The following GRIN2D variants were observed in gnomAD, a reference collection of about 807,000 sequenced individuals.
The protein encoded by GRIN2D is glutamate ionotropic receptor NMDA type subunit 2D, also known as glutamate receptor ionotropic, NMDA 2D.
GRIN2D carries 37 observed loss-of-function variants against 103.2 expected under a neutral mutation model. The observed-to-expected ratio is 0.36, with a 90% CI of 0.28 to 0.47. The LOEUF (loss-of-function observed/expected upper bound fraction) is 0.47. Among genes scored for constraint, GRIN2D ranks in the 20% least tolerant of loss-of-function variants. GRIN2D has a pLI of 1.00. For missense variants in GRIN2D, 1,557 were observed against 1,910.6 expected (o/e 0.81, Z 3.45); for synonymous variants, 845 against 885.6 (o/e 0.95, Z 0.81).
intron 11 of GRIN2D, among the ~76,000 whole-genome samples, chr19:48,428,550 A>G (rs1971117482): frequency 6.6e-6 from 1 of 151,600 alleles, no homozygotes; most frequent in African/African-American, 2.4e-5. Context: ...TTTAGTAGAG[A>G]CGGAGTTTCA....
Position 48,405,366 on chromosome 19 carries a change from G to A in GRIN2D, c.1085+13G>A, listed in dbSNP as rs956727278. On this transcript the variant is annotated intron_variant, in intron 4 of 13. Coordinates refer to ENST00000263269, the MANE Select transcript of GRIN2D (RefSeq NM_000836.4). The surrounding 1 kb of genome is among the most constrained non-coding windows in gnomAD (Gnocchi z 5.1). ...AGAGTCTGCATAGGTGAGTGGGGCT[G>A]GAATGGGAGGGGTGTGGGAGGGCTC... 8.5e-6 allele frequency: 13 copies of A among 1,537,194 alleles called. No individual in the cohort carries two copies. The highest frequency in any genetic ancestry group is 1.1e-5 in the Non-Finnish European group (13 of 1,145,380).
intron 11 of GRIN2D, among the ~76,000 whole-genome samples, chr19:48,437,504 G>A (rs888211649): frequency 6.6e-6 from 1 of 152,190 alleles, no homozygotes; most frequent in Non-Finnish European, 1.5e-5. Flanking sequence ...CAGAAAAACT[G>A]AGCAAACCAT....
rs1971320895 is a variant in GRIN2D at position 48,443,004 on chromosome 19, C to T, written c.3078C>T (p.Gly1026=). The T allele has an allele frequency of 5.5e-6, 6 of 1,086,674 alleles. No individual in the cohort carries two copies. Among genetic ancestry groups the T allele is most frequent in the Non-Finnish European group, 6.7e-6 (6 of 894,530 alleles). The allele number at this position is 1,086,674 out of a possible 1,614,324, so 67.3% of individuals were successfully genotyped here. A position where few individuals can be genotyped will look rare whatever the true frequency, so the allele number is the denominator to read the frequency against. Residue 1026 remains glycine, a synonymous_variant, in exon 14 of 14, where the codon GGC becomes GGT. Coordinates refer to ENST00000263269, the MANE Select transcript of GRIN2D (RefSeq NM_000836.4). The surrounding 1 kb of genome is among the most constrained non-coding windows in gnomAD (Gnocchi z 8.9). ...AGCCCCCCGCCGGCGCCTTCCCCGG[C>T]TTCCCGTCGCCGCCCGCGCCCCCCG... is the stretch of plus-strand genomic sequence containing the variant. ...PAEPPAGAFP[G]FPSPPAPPAA... is the part of the protein sequence containing the mutation.
rs1232231035 is a variant in GRIN2D, at chr19:48,443,094, G to A, written c.3168G>A (p.Pro1056=). Residue 1056 remains proline (P), a synonymous_variant, in exon 14 of 14, where the codon CCG becomes CCA. Coordinates refer to ENST00000263269, the MANE Select transcript of GRIN2D (RefSeq NM_000836.4). The surrounding 1 kb of genome is among the most constrained non-coding windows in gnomAD (Gnocchi z 8.9). ...TGGCCTTCGAGGACGAGAGCCCGCC[G>A]GCGCCCGCGCGGTGGCCGCGCTCGG... ...CRLAFEDESP[P]APARWPRSDP... 83 of 1,025,486 alleles carry A rather than the reference G, an allele frequency of 8.1e-5. No homozygotes were observed. The highest frequency in any genetic ancestry group is 4.7e-4 in the Middle Eastern group (1 of 2,124). The allele number at this position is 1,025,486 out of a possible 1,614,324, so 63.5% of individuals were successfully genotyped here.
chr19:48,422,031 C>T, intron 11 of GRIN2D, 86 bp downstream of exon 11: 2 of 1,376,794 alleles, frequency 1.5e-6, no homozygotes, highest in Non-Finnish European at 2.0e-6. Flanking sequence ...CAGGTTCATT[C>T]ATTCAGTCCC....
At position 48,422,499 on chromosome 19, in the gene GRIN2D, T is replaced by C. The variant is rs1971036940; in HGVS notation, c.2252+554T>C. Among the ~76,000 whole-genome samples, 3 of 151,668 alleles carry C rather than the reference T, an allele frequency of 2.0e-5. No homozygotes were observed. In the South Asian group the frequency reaches 6.2e-4, roughly 31 times the overall value. ...GGTGGCACGCGCCTGTAGTCCCAGA[T>C]ACTTGGGAGGCTGAGGCAGGAGAAT... On this transcript the variant is annotated intron_variant, in intron 11 of 13. Coordinates refer to ENST00000263269, the MANE Select transcript of GRIN2D (RefSeq NM_000836.4).
At chr19:48,404,309 G>A (rs1343539959) in intron 3 of GRIN2D, among the ~76,000 whole-genome samples, 2 of 151,440 alleles carry the variant, frequency 1.3e-5, no homozygotes, top group Non-Finnish European at 2.9e-5. Flanking sequence ...ATGGTGACTC[G>A]GGGTTTCAGG....
intron 11 of GRIN2D, among the ~76,000 whole-genome samples, chr19:48,422,817 C>A (rs1004382056): frequency 1.3e-5 from 2 of 152,114 alleles, no homozygotes; most frequent in Admixed American, 6.5e-5. Flanking sequence ...AGAGGCCAGG[C>A]GCAGTAGCTC....
Position 48,414,815 on chromosome 19 carries a change from G to A in GRIN2D, c.1413-49G>A. 6.3e-7 allele frequency: 1 copy of A among 1,594,888 alleles called. No homozygotes were observed. Among genetic ancestry groups the A allele is most frequent in the Non-Finnish European group, 8.6e-7 (1 of 1,166,744 alleles). ...CTCCATATCCTCTCTTCATGAGAGAGTCTAAGGAGGGGGTCCCCAAACTCC... is the reference window on the plus strand; with the variant it reads ...CTCCATATCCTCTCTTCATGAGAGAATCTAAGGAGGGGGTCCCCAAACTCC... On this transcript the variant is annotated intron_variant, in intron 6 of 13. Coordinates refer to ENST00000263269, the MANE Select transcript of GRIN2D (RefSeq NM_000836.4). The surrounding 1 kb of genome is among the most constrained non-coding windows in gnomAD (Gnocchi z 4.6).
chr19:48,398,716 G>A lies in GRIN2D; in HGVS notation c.324G>A (p.Ser108=). 6.8e-7 allele frequency: 1 copy of A among 1,467,786 alleles called. No individual in the cohort carries two copies. The highest frequency in any genetic ancestry group is 9.0e-7 in the Non-Finnish European group (1 of 1,115,772). The allele number at this position is 1,467,786 out of a possible 1,614,324, so 90.9% of individuals were successfully genotyped here. A position where few individuals can be genotyped will look rare whatever the true frequency, so the allele number is the denominator to read the frequency against. ...TGCTGCAGCTCTGCGACCTGCTGTCGGGGTTGCGCGTGCACGGCGTGGTCT... is the reference window on the plus strand; with the variant it reads ...TGCTGCAGCTCTGCGACCTGCTGTCAGGGTTGCGCGTGCACGGCGTGGTCT... ...SLVLQLCDLL[S]GLRVHGVVFE... Residue 108 remains serine (S), a synonymous_variant, in exon 3 of 14, where the codon TCG becomes TCA. Transcript: ENST00000263269.
intron 11 of GRIN2D, among the ~76,000 whole-genome samples, chr19:48,423,149 T>C (rs921111752): frequency 1.3e-5 from 2 of 152,022 alleles, no homozygotes; most frequent in African/African-American, 4.8e-5. Flanking sequence ...AGGCGGAGGT[T>C]GCAGTGAGCC....
chr19:48,419,118 A>T, intron 8 of GRIN2D, 116 bp from the exon 9 acceptor site: 1 of 808,926 alleles, frequency 1.2e-6, no homozygotes, highest in Non-Finnish European at 1.9e-6. Context: ...GCGTCAAGTG[A>T]TCCTCCTGCC....
At chr19:48,430,344 G>A (rs879675785) in intron 11 of GRIN2D, among the ~76,000 whole-genome samples, 3 of 152,144 alleles carry the variant, frequency 2.0e-5, no homozygotes, top group Non-Finnish European at 2.9e-5. Flanking sequence ...GACTACAGGC[G>A]TGCGCCACTG....
chr19:48,433,446 T>A (rs1458220380), intron 11 of GRIN2D, among the ~76,000 whole-genome samples: 1 of 152,200 alleles, frequency 6.6e-6, no homozygotes. Context: ...GTGGTTGCCA[T>A]AGAGGACAGC....
rs1297366237 is a variant in GRIN2D, at chr19:48,443,088, C to A, written c.3162C>A (p.Ser1054Arg). Residue 1054 changes from serine (S) to arginine (R), a missense_variant, in exon 14 of 14, where the codon AGC becomes AGA. Around this residue, in one of 7 missense-constraint regions of GRIN2D, gnomAD observed 632 missense variants for 572.8 expected, o/e 1.10. Coordinates refer to ENST00000263269, the MANE Select transcript of GRIN2D (RefSeq NM_000836.4). The surrounding 1 kb of genome is among the most constrained non-coding windows in gnomAD (Gnocchi z 8.9). Reference protein sequence around the residue: ...PLCRLAFEDESPPAPARWPRS... With the variant: ...PLCRLAFEDERPPAPARWPRS... Reference sequence around the variant, plus strand: ...GCCGCTTGGCCTTCGAGGACGAGAGCCCGCCGGCGCCCGCGCGGTGGCCGC... The same window carrying A: ...GCCGCTTGGCCTTCGAGGACGAGAGACCGCCGGCGCCCGCGCGGTGGCCGC... 9.7e-7 allele frequency: 1 copy of A among 1,026,570 alleles called. No individual in the cohort carries two copies. The highest frequency in any genetic ancestry group is 1.2e-6 in the Non-Finnish European group (1 of 854,436). The allele number at this position is 1,026,570 out of a possible 1,614,324, so 63.6% of individuals were successfully genotyped here.
chr19:48,412,414 GAGAAAGA>G lies in GRIN2D; in HGVS notation c.1086-1575_1086-1569del, dbSNP rs1372808677. On this transcript the variant is annotated intron_variant, in intron 4 of 13. Coordinates refer to ENST00000263269, the MANE Select transcript of GRIN2D (RefSeq NM_000836.4). The stretch of plus-strand genomic sequence containing the variant: ...AAGAGAAAGAAAAGAAAGAAAGAAA[GAGAAAGA>G]AAAGAAAGAAAGAAAGAAAGAAAGA... Among the ~76,000 whole-genome samples, 18 of 115,910 alleles carry G rather than the reference GAGAAAGA, an allele frequency of 1.6e-4. 1 individual carries two copies. The highest frequency in any genetic ancestry group is 3.8e-4 in the Admixed American group (4 of 10,432). 76.0% of individuals were successfully genotyped at this position (115,910 alleles called of 152,430 possible).
At chr19:48,431,729 C>T (rs1456867237) in intron 11 of GRIN2D, among the ~76,000 whole-genome samples, 2 of 151,946 alleles carry the variant, frequency 1.3e-5, no homozygotes, top group African/African-American at 4.8e-5. Flanking sequence ...CGATTACAGG[C>T]ATGTGGCACC....
Position 48,414,593 on chromosome 19 carries a change from T to A in GRIN2D, c.1412+9T>A, listed in dbSNP as rs1479731032. 1 of 1,549,644 alleles carries A rather than the reference T, an allele frequency of 6.5e-7. No homozygotes were observed. The highest frequency in any genetic ancestry group is 1.4e-5 in the African/African-American group (1 of 73,024). Reference sequence around the variant, plus strand: ...CTCAACCGAACCCACAGGTGACAGCTCGGGATCCAGGAGTTCCGGCTCCAA... The same window carrying A: ...CTCAACCGAACCCACAGGTGACAGCACGGGATCCAGGAGTTCCGGCTCCAA... On this transcript the variant is annotated intron_variant, in intron 6 of 13. Coordinates refer to ENST00000263269, the MANE Select transcript of GRIN2D (RefSeq NM_000836.4). This position sits in a 1 kb window ranked among gnomAD's most constrained non-coding sequence, Gnocchi z 4.6.
intron 11 of GRIN2D, among the ~76,000 whole-genome samples, chr19:48,428,652 T>C (rs1212006779): frequency 2.0e-5 from 3 of 152,236 alleles, no homozygotes; most frequent in African/African-American, 7.2e-5. Context: ...CGTGAGCCAC[T>C]GCGCCCGGCC....
Sources: gnomAD v4.1 joint callset for allele counts (sites outside exome capture counted in the v4.1 genomes callset) on GRCh38, gnomAD v4.1.1 for gene constraint, gnomAD v4.1.1 regional missense constraint, Gnocchi (gnomAD v3.1) non-coding constraint, MANE v1.5 for transcripts, NCBI Gene and HGNC (gene_info 2026-07-23, HGNC 2026-07-21) for gene names.